The following EIF4H variants were observed in gnomAD, a reference collection of about 807,000 sequenced individuals.
EIF4H encodes Williams-Beuren syndrome chromosome region 1.
Under a neutral mutation model 30.6 loss-of-function variants are expected in EIF4H, and 8 were observed. The ratio of observed to expected loss-of-function variants is 0.26; its 90% confidence interval spans 0.15 to 0.47. The LOEUF (loss-of-function observed/expected upper bound fraction) is 0.47. Among genes scored for constraint, EIF4H ranks in the 20% least tolerant of loss-of-function variants. The pLI is 0.99. For synonymous variants in EIF4H, 106 were observed against 122.7 expected (o/e 0.86, Z 0.90); for missense variants, 188 against 339.5 (o/e 0.55, Z 3.51).
At chr7:74,176,318 A>G in intron 1 of EIF4H, among the ~76,000 whole-genome samples, 1 of 148,770 alleles carries the variant, frequency 6.7e-6, no homozygotes, top group East Asian at 2.0e-4. Context: ...GCTCACTGCA[A>G]CCTCCACCTC....
chr7:74,182,213 A>G (rs1342090219), intron 1 of EIF4H, among the ~76,000 whole-genome samples: 2 of 152,210 alleles, frequency 1.3e-5, no homozygotes, highest in African/African-American at 2.4e-5. Flanking sequence ...AAAGCATAAT[A>G]TAGTGACCTG....
chr7:74,192,972 C>G (rs372785080), intron 5 of EIF4H, among the ~76,000 whole-genome samples: 1 of 152,132 alleles, frequency 6.6e-6, no homozygotes, highest in African/African-American at 2.4e-5. Context: ...GCCACCACAC[C>G]CAGCCTATGT....
intron 5 of EIF4H, among the ~76,000 whole-genome samples, chr7:74,192,254 G>A (rs890843438): frequency 6.6e-6 from 1 of 152,156 alleles, no homozygotes; most frequent in Non-Finnish European, 1.5e-5. Context: ...TGGGGGAAAC[G>A]TGAAGTTAAA....
At chr7:74,192,288 T>C (rs1801238570) in intron 5 of EIF4H, among the ~76,000 whole-genome samples, 1 of 152,230 alleles carries the variant, frequency 6.6e-6, no homozygotes, top group Non-Finnish European at 1.5e-5. Flanking sequence ...ACTAGGCTTG[T>C]TCACTGAACT....
chr7:74,191,109 T>C lies in EIF4H; in HGVS notation c.469+803T>C, dbSNP rs910062774. ...GAGTATGGGAGGGACTGGTGCACGCTGTCTTGTGAGTCTGAGATTTTTAAA... is the reference window on the plus strand; with the variant it reads ...GAGTATGGGAGGGACTGGTGCACGCCGTCTTGTGAGTCTGAGATTTTTAAA... On this transcript the variant is annotated intron_variant, in intron 5 of 6. Coordinates refer to ENST00000265753, the MANE Select transcript of EIF4H (RefSeq NM_022170.2). 7 of 521,664 alleles carry C rather than the reference T, an allele frequency of 1.3e-5. No individual in the cohort carries two copies. The African/African-American group carries it at 1.4e-4, about 10-fold the overall frequency. 32.3% of individuals were successfully genotyped at this position (521,664 alleles called of 1,614,324 possible).
At chr7:74,184,537 T>C (rs1408004109) in intron 1 of EIF4H, among the ~76,000 whole-genome samples, 1 of 152,222 alleles carries the variant, frequency 6.6e-6, no homozygotes, top group Non-Finnish European at 1.5e-5. Flanking sequence ...AGACAGTCTT[T>C]TAACATCATT....
At chr7:74,182,179 T>C (rs1265820078) in intron 1 of EIF4H, among the ~76,000 whole-genome samples, 12 of 152,098 alleles carry the variant, frequency 7.9e-5, no homozygotes, top group Non-Finnish European at 4.4e-5. Context: ...TACAGAAAAA[T>C]GTAGAAAATT....
At chr7:74,188,517 A>G (rs782007594) in intron 2 of EIF4H, among the ~76,000 whole-genome samples, 4 of 151,878 alleles carry the variant, frequency 2.6e-5, no homozygotes, top group Non-Finnish European at 5.9e-5. Flanking sequence ...AGCAGTCGAG[A>G]AGGCCTTGCT....
chr7:74,178,219 C>T (rs1303464593), intron 1 of EIF4H, among the ~76,000 whole-genome samples: 1 of 152,138 alleles, frequency 6.6e-6, no homozygotes, highest in African/African-American at 2.4e-5. Context: ...TTGTGTGAGC[C>T]ACAGTACCCA....
chr7:74,188,718 A>C (rs2115975786), intron 2 of EIF4H, among the ~76,000 whole-genome samples: 1 of 152,344 alleles, frequency 6.6e-6, no homozygotes, highest in Non-Finnish European at 1.5e-5. Context: ...GGGCTGGGTC[A>C]GTCGCTGCAG....
intron 5 of EIF4H, among the ~76,000 whole-genome samples, chr7:74,192,741 G>T (rs1467249429): frequency 7.8e-5 from 10 of 127,654 alleles, no homozygotes; most frequent in African/African-American, 1.8e-4. Context: ...GCAGTGGCAT[G>T]ATTTCGGTTC....
At chr7:74,194,339 A>C (rs1801293434) in intron 5 of EIF4H, among the ~76,000 whole-genome samples, 1 of 152,230 alleles carries the variant, frequency 6.6e-6, no homozygotes, top group Admixed American at 6.5e-5. Context: ...AAATACTTCT[A>C]AATTTCAGGT....
intron 1 of EIF4H, among the ~76,000 whole-genome samples, chr7:74,177,315 T>C (rs1800863008): frequency 6.6e-6 from 1 of 152,324 alleles, no homozygotes; most frequent in African/African-American, 2.4e-5. Flanking sequence ...TCTGAGCATA[T>C]TTTTATCCAA....
chr7:74,175,212 T>C (rs1378092933), intron 1 of EIF4H, among the ~76,000 whole-genome samples: 1 of 152,252 alleles, frequency 6.6e-6, no homozygotes, highest in African/African-American at 2.4e-5. Context: ...TGAAACACTT[T>C]GCTTAAAAGA....
At chr7:74,191,380 A>G in intron 5 of EIF4H, 1 of 473,520 alleles carries the variant, frequency 2.1e-6, no homozygotes, top group South Asian at 1.6e-5. Flanking sequence ...GAAGTTGCCC[A>G]CATACTAACG....
intron 1 of EIF4H, among the ~76,000 whole-genome samples, chr7:74,174,732 G>A (rs1402177957): frequency 5.3e-5 from 8 of 152,248 alleles, no homozygotes; most frequent in African/African-American, 1.9e-4. Flanking sequence ...CCGATGCCCG[G>A]AGACGAGCGC....
chr7:74,175,590 A>G (rs1331718944), intron 1 of EIF4H, among the ~76,000 whole-genome samples: 1 of 152,196 alleles, frequency 6.6e-6, no homozygotes, highest in East Asian at 1.9e-4. Flanking sequence ...AGGTGGAGCT[A>G]TTGTCATTCC....
rs370114710 is a variant in EIF4H, at chr7:74,176,584, T to C, written c.59+2142T>C. Among the ~76,000 whole-genome samples, 7 of 152,334 alleles carry C rather than the reference T, an allele frequency of 4.6e-5. No homozygotes were observed. The South Asian group carries it at 1.4e-3, about 32-fold the overall frequency. ...TCGTACATCTCACCTCTGAATTACTTGGGTCACAGGTGAAAGAAATGGTAG... is the reference window on the plus strand; with the variant it reads ...TCGTACATCTCACCTCTGAATTACTCGGGTCACAGGTGAAAGAAATGGTAG... On this transcript the variant is annotated intron_variant, in intron 1 of 6. Transcript: ENST00000265753.
chr7:74,196,065 C>CGT lies in EIF4H; in HGVS notation c.*766_*767dup, dbSNP rs1163981236. On this transcript the variant is annotated 3_prime_UTR_variant, in exon 7 of 7. Coordinates refer to ENST00000265753, the MANE Select transcript of EIF4H (RefSeq NM_022170.2). ...CAGTGAATGCTTGCATGCATTCACA[C>CGT]GTGTGTGTGTCCCAGCTAGTTCACT... 1 of 152,132 alleles carries CGT rather than the reference C, an allele frequency of 6.6e-6. No individual in the cohort carries two copies. The highest frequency in any genetic ancestry group is 1.5e-5 in the Non-Finnish European group (1 of 68,064). 9.4% of individuals were successfully genotyped at this position (152,132 alleles called of 1,614,324 possible). A position where few individuals can be genotyped will look rare whatever the true frequency, so the allele number is the denominator to read the frequency against.
Sources: allele counts gnomAD v4.1 joint callset (sites outside exome capture counted in the v4.1 genomes callset), GRCh38; gene constraint gnomAD v4.1.1; transcripts MANE v1.5; gene names NCBI Gene and HGNC (gene_info 2026-07-23, HGNC 2026-07-21).